PRELID2: variants seen among roughly 807,000 people sequenced by gnomAD.
PRELID2 encodes PRELI domain-containing protein 2.
PRELID2 carries 25 observed loss-of-function variants against 28.4 expected under a neutral mutation model. The observed-to-expected ratio is 0.88, with a 90% CI of 0.64 to 1.23. The LOEUF is 1.23. PRELID2 is among the 50% of genes most tolerant of loss of function. The pLI is 0.00. For synonymous variants in PRELID2, 76 were observed against 71.6 expected, an observed-to-expected ratio of 1.06 and a Z score of -0.31; for missense variants, 201 against 214.4, an observed-to-expected ratio of 0.94 and a Z score of 0.39.
chr5:145,753,173 T>C (rs971651543), downstream of PRELID2, among the ~76,000 whole-genome samples: 4 of 152,218 alleles, frequency 2.6e-5, no homozygotes, highest in African/African-American at 9.7e-5. Flanking sequence ...TAACCTTCTC[T>C]GAGAATGCTG....
chr5:145,694,042 A>T lies in PRELID2; in HGVS notation n.70+70889T>A, dbSNP rs146270976. ...CTGTATGACATCAGGCAAGGTAGTT[A>T]ATCTTCTAGTGCCTCTGTTTCCTCC... On this transcript the variant is annotated intron_variant and non_coding_transcript_variant, in intron 1 of 2. Coordinates refer to the PRELID2 transcript ENST00000510259. Among the ~76,000 whole-genome samples the T allele has an allele frequency of 4.3e-4, 65 of 152,294 alleles. 1 individual carries two copies. The highest frequency in any genetic ancestry group is 1.5e-3 in the African/African-American group (62 of 41,580).
the PRELID2 span, among the ~76,000 whole-genome samples, chr5:145,373,811 T>A: frequency 4.8e-4 from 33 of 68,938 alleles, 1 homozygote; most frequent in East Asian, 6.4e-3. Context: ...CAACATATAT[T>A]ATATATGATA....
chr5:145,338,794 G>A, the PRELID2 span, among the ~76,000 whole-genome samples: 2,366 of 152,202 alleles, frequency 0.016, 66 homozygotes, highest in African/African-American at 0.055. Flanking sequence ...TTAATCCATG[G>A]TTATGGGATT....
chr5:145,253,843 A>AG, the PRELID2 span, among the ~76,000 whole-genome samples: 5 of 151,552 alleles, frequency 3.3e-5, no homozygotes, highest in Admixed American at 2.0e-4. Flanking sequence ...AAAAACAAAA[A>AG]AAACAAAAAA....
intron 1 of PRELID2, among the ~76,000 whole-genome samples, chr5:145,488,214 G>T (rs994911984): frequency 9.2e-5 from 14 of 151,874 alleles, no homozygotes; most frequent in Non-Finnish European, 5.9e-5. Flanking sequence ...GTGCTGGGAA[G>T]ACTGGAAAGT....
At chr5:145,439,575 GGGAA>G in the PRELID2 span, among the ~76,000 whole-genome samples, 1 of 152,126 alleles carries the variant, frequency 6.6e-6, no homozygotes, top group East Asian at 1.9e-4. Context: ...CTCAGACTCT[GGGAA>G]TGTTCTGTGT....
chr5:145,328,353 A>T, the PRELID2 span, among the ~76,000 whole-genome samples: 46,097 of 151,996 alleles, frequency 0.3, 7,358 homozygotes, highest in African/African-American at 0.4. Flanking sequence ...CCTTGAGGAA[A>T]CACCACACAG....
At chr5:145,469,426 G>A (rs1752032162), downstream of PRELID2, among the ~76,000 whole-genome samples, 1 of 152,030 alleles carries the variant, frequency 6.6e-6, no homozygotes, top group African/African-American at 2.4e-5. Flanking sequence ...TCTTCTGATT[G>A]AGGCATGTTT....
the PRELID2 span, among the ~76,000 whole-genome samples, chr5:145,379,946 G>T: frequency 1.3e-5 from 2 of 152,156 alleles, no homozygotes; most frequent in African/African-American, 4.8e-5. Context: ...TGTCTGATGG[G>T]CAAGACTACC....
the PRELID2 span, among the ~76,000 whole-genome samples, chr5:145,389,049 T>C: frequency 1.3e-5 from 2 of 152,212 alleles, no homozygotes; most frequent in African/African-American, 2.4e-5. Flanking sequence ...TAATAGATGC[T>C]TGATAAATAT....
intron 1 of PRELID2, among the ~76,000 whole-genome samples, chr5:145,524,418 G>C (rs1752590734): frequency 6.6e-6 from 1 of 152,166 alleles, no homozygotes; most frequent in Admixed American, 6.5e-5. Context: ...GGCCTCAAGA[G>C]GATGGCCCTA....
At chr5:145,386,404 T>C in the PRELID2 span, among the ~76,000 whole-genome samples, 1 of 152,084 alleles carries the variant, frequency 6.6e-6, no homozygotes, top group Admixed American at 6.6e-5. Context: ...GTTTCTCCCA[T>C]GCTGTTCTCA....
At chr5:145,373,835 C>A in the PRELID2 span, among the ~76,000 whole-genome samples, 2 of 83,834 alleles carry the variant, frequency 2.4e-5, no homozygotes, top group Non-Finnish European at 4.2e-5. Context: ...TATATTACAA[C>A]ATATATAATA....
chr5:145,463,738 A>T, the PRELID2 span, among the ~76,000 whole-genome samples: 1 of 152,214 alleles, frequency 6.6e-6, no homozygotes, highest in Non-Finnish European at 1.5e-5. Flanking sequence ...AAGGCTCTAC[A>T]TCTTAGCAGT....
the PRELID2 span, among the ~76,000 whole-genome samples, chr5:145,377,540 G>A: frequency 1.3e-5 from 2 of 152,070 alleles, no homozygotes; most frequent in East Asian, 3.9e-4. Flanking sequence ...TTATGAATCT[G>A]GTTGCTCCTG....
At chr5:145,304,960 A>G in the PRELID2 span, among the ~76,000 whole-genome samples, 54 of 152,334 alleles carry the variant, frequency 3.5e-4, no homozygotes, top group African/African-American at 1.3e-3. Flanking sequence ...ATAAATGAGT[A>G]AGAAAGTACT....
chr5:145,668,445 T>TA (rs962816564), intron 1 of PRELID2, among the ~76,000 whole-genome samples: 53 of 150,940 alleles, frequency 3.5e-4, no homozygotes, highest in African/African-American at 8.8e-4. Context: ...ATCTAGATTT[T>TA]AAAAAAAAAG....
chr5:145,422,543 C>T, the PRELID2 span, among the ~76,000 whole-genome samples: 1 of 152,014 alleles, frequency 6.6e-6, no homozygotes. Flanking sequence ...TTATCAGAGA[C>T]TAGGATTGCA....
chr5:145,693,750 G>T (rs1220703151), intron 1 of PRELID2, among the ~76,000 whole-genome samples: 1 of 152,196 alleles, frequency 6.6e-6, no homozygotes, highest in Non-Finnish European at 1.5e-5. Flanking sequence ...CTCCAGCCCA[G>T]TTGAAAGAGT....
Sources: allele counts gnomAD v4.1 joint callset (sites outside exome capture counted in the v4.1 genomes callset), GRCh38; gene constraint gnomAD v4.1.1; transcripts MANE v1.5; gene names NCBI Gene and HGNC (gene_info 2026-07-23, HGNC 2026-07-21).